The following STIP1 variants were observed in gnomAD, a reference collection of about 807,000 sequenced individuals.
The protein encoded by STIP1 is stress-induced-phosphoprotein 1.
A neutral mutation model predicts 77.4 loss-of-function variants in STIP1; 16 were observed. That is an observed-to-expected ratio of 0.21 (90% CI 0.14 to 0.31). STIP1 has a LOEUF of 0.31. Among genes scored for constraint, STIP1 ranks in the 10% least tolerant of loss-of-function variants. The pLI, the probability that STIP1 is intolerant of heterozygous loss-of-function variation, is 1.00. For synonymous variants in STIP1, 258 were observed against 246.6 expected (o/e 1.05, Z -0.44); for missense variants, 524 against 684.8 (o/e 0.77, Z 2.62).
chr11:64,194,527 T>TG lies in STIP1; in HGVS notation c.412dup (p.Glu138GlyfsTer3), dbSNP rs1278881286. 6.2e-7 allele frequency: 1 copy of TG among 1,614,178 alleles called. No homozygotes were observed. The highest frequency in any genetic ancestry group is 8.5e-7 in the Non-Finnish European group (1 of 1,180,042). On this transcript the variant is annotated frameshift_variant, in exon 4 of 14. Coordinates refer to ENST00000305218, the MANE Select transcript of STIP1 (RefSeq NM_006819.3). LOFTEE classifies it high-confidence loss of function. The stretch of plus-strand genomic sequence containing the variant: ...AACATGCCTAATCTGTATCAGAAGT[T>TG]GGAGAGTGATCCCAGGACAAGGACA...
intron 10 of STIP1, 119 bp downstream of exon 10, chr11:64,200,412 ACT>A (rs1946204755): frequency 1.4e-6 from 2 of 1,465,134 alleles, no homozygotes; most frequent in South Asian, 2.8e-5. Context: ...ACAGTGTCTC[ACT>A]CTGTCCTGCC....
intron 10 of STIP1, chr11:64,202,400 ATTTTTTTTTTTT>A (rs1174421253): frequency 2.9e-5 from 3 of 101,886 alleles, no homozygotes; most frequent in African/African-American, 4.6e-5. Flanking sequence ...AGGCCAGCAA[ATTTTTTTTTTTT>A]TTTTTTTTTT....
chr11:64,202,776 C>T (rs1310932490), intron 10 of STIP1, 100 bp from the exon 11 acceptor site: 20 of 1,323,800 alleles, frequency 1.5e-5, no homozygotes, highest in Non-Finnish European at 2.2e-5. Flanking sequence ...CTGTTTGGTG[C>T]TGGGTGAGGC....
At chr11:64,196,572 C>T (rs1044309980) in intron 5 of STIP1, among the ~76,000 whole-genome samples, 5 of 152,010 alleles carry the variant, frequency 3.3e-5, no homozygotes, top group African/African-American at 4.8e-5. Context: ...TGTCGTGATC[C>T]GAAGAATGTT....
At chr11:64,201,830 G>C (rs1333464781) in intron 10 of STIP1, among the ~76,000 whole-genome samples, 1 of 152,222 alleles carries the variant, frequency 6.6e-6, no homozygotes, top group Non-Finnish European at 1.5e-5. Flanking sequence ...GATTTCTGCT[G>C]CTGTCCCAGC....
At chr11:64,185,365 G>A, upstream of STIP1, 1 of 173,544 alleles carries the variant, frequency 5.8e-6, no homozygotes, top group Admixed American at 5.8e-5. Context: ...AGCCGGGCCC[G>A]CCGCGGTGAG....
intron 7 of STIP1, 89 bp from the exon 8 acceptor site, chr11:64,197,765 C>A: frequency 6.4e-7 from 1 of 1,569,870 alleles, no homozygotes; most frequent in South Asian, 1.2e-5. Context: ...GGCAGTGATG[C>A]GGGCCTTTCT....
chr11:64,200,429 C>A, intron 10 of STIP1, 136 bp downstream of exon 10: 2 of 1,367,946 alleles, frequency 1.5e-6, no homozygotes, highest in Non-Finnish European at 2.0e-6. Context: ...CCTGCCTCAG[C>A]CTCCTGAGGA....
upstream of STIP1, chr11:64,185,697 T>C: frequency 7.7e-7 from 1 of 1,293,652 alleles, no homozygotes; most frequent in South Asian, 1.4e-5. Context: ...CTGCAGCCGG[T>C]ACTCCCATAT....
rs1050260697 is a variant in STIP1 at position 64,186,203 on chromosome 11, C to G, written c.-59C>G. On this transcript the variant is annotated 5_prime_UTR_variant, in exon 1 of 14. Coordinates refer to ENST00000305218, the MANE Select transcript of STIP1 (RefSeq NM_006819.3). Reference sequence around the variant, plus strand: ...AGTAGGTTCCAGAAGGCGGCGCGTGCGGTTGGGAACGCGGAGCGGACGGAT... The same window carrying G: ...AGTAGGTTCCAGAAGGCGGCGCGTGGGGTTGGGAACGCGGAGCGGACGGAT... 2.5e-5 allele frequency: 39 copies of G among 1,550,406 alleles called. No individual in the cohort carries two copies. Among genetic ancestry groups the G allele is most frequent in the South Asian group, 7.1e-5 (6 of 84,048 alleles).
chr11:64,189,358 C>CA lies in STIP1; in HGVS notation c.9+3100dup, dbSNP rs879351379. On this transcript the variant is annotated intron_variant, in intron 1 of 13. Transcript: ENST00000305218. ...ACTGGGTAACAGCGAGACTCCGTCT[C>CA]AAAAAAAAAAAATAAATAAATAAGC... 5.4e-4 allele frequency among the ~76,000 whole-genome samples: 78 copies of CA among 145,768 alleles called. No homozygotes were observed. In the South Asian group the frequency reaches 6.1e-3, roughly 11 times the overall value.
chr11:64,185,871 T>C (rs2134773806), upstream of STIP1: 1 of 1,536,052 alleles, frequency 6.5e-7, no homozygotes, highest in Middle Eastern at 1.7e-4. Context: ...TCCAGAACGA[T>C]CAGAACCAAT....
intron 8 of STIP1, among the ~76,000 whole-genome samples, chr11:64,198,363 C>T (rs1946174479): frequency 6.6e-6 from 1 of 152,164 alleles, no homozygotes; most frequent in Non-Finnish European, 1.5e-5. Flanking sequence ...CAGGTGCACG[C>T]CACTATGCCC....
Position 64,200,238 on chromosome 11 carries a change from A to G in STIP1, c.1190A>G (p.Tyr397Cys), listed in dbSNP as rs753003757. ...AGGAACCCGAAAGATGCCAAATTAT[A>G]CAGCAATCGAGCTGCCTGCTACACC... is the stretch of plus-strand genomic sequence containing the variant. ...IKRNPKDAKLYSNRAACYTKL... is the reference protein window; with the variant it reads ...IKRNPKDAKLCSNRAACYTKL... Residue 397 changes from tyrosine (Y) to cysteine (C), a missense_variant, in exon 10 of 14, where the codon TAC (tyrosine) becomes TGC (cysteine). By Grantham distance (194) the Tyr-to-Cys change is radical (BLOSUM62 -2). Coordinates refer to ENST00000305218, the MANE Select transcript of STIP1 (RefSeq NM_006819.3). 1 of 1,614,200 alleles carries G rather than the reference A, an allele frequency of 6.2e-7. No individual in the cohort carries two copies. Among genetic ancestry groups the G allele is most frequent in the South Asian group, 1.1e-5 (1 of 91,084 alleles).
At chr11:64,198,081 T>G in intron 8 of STIP1, 107 bp downstream of exon 8, 1 of 1,295,928 alleles carries the variant, frequency 7.7e-7, no homozygotes. Flanking sequence ...TTTTTTGAGA[T>G]AGGGTCTCAC....
intron 1 of STIP1, among the ~76,000 whole-genome samples, chr11:64,190,001 C>CTTTTT (rs149110413): frequency 1.4e-5 from 2 of 147,462 alleles, no homozygotes; most frequent in African/African-American, 2.5e-5. Flanking sequence ...AATCATTTCT[C>CTTTTT]TCTTTTTTTT....
At chr11:64,200,086 C>T (rs755345837) in intron 9 of STIP1, 50 bp downstream of exon 9, 49 of 1,613,154 alleles carry the variant, frequency 3.0e-5, no homozygotes, top group South Asian at 9.9e-5. Context: ...GTGTGCCTCC[C>T]GTGCCTGGCT....
At chr11:64,193,669 C>T (rs1316306722) in intron 2 of STIP1, among the ~76,000 whole-genome samples, 1 of 152,066 alleles carries the variant, frequency 6.6e-6, no homozygotes, top group Non-Finnish European at 1.5e-5. Flanking sequence ...TGCTTGTAGT[C>T]CCATCTACTC....
At chr11:64,194,841 C>G (rs1300924830) in intron 4 of STIP1, among the ~76,000 whole-genome samples, 1 of 152,096 alleles carries the variant, frequency 6.6e-6, no homozygotes, top group African/African-American at 2.4e-5. Context: ...CTGTATACAC[C>G]TCTCTCCTGC....
Sources: gnomAD v4.1 joint callset for allele counts (sites outside exome capture counted in the v4.1 genomes callset) on GRCh38, gnomAD v4.1.1 for gene constraint, MANE v1.5 for transcripts, NCBI Gene and HGNC (gene_info 2026-07-23, HGNC 2026-07-21) for gene names.